The following HEPACAM2 variants were observed in gnomAD, a reference collection of about 807,000 sequenced individuals.
HEPACAM2 encodes the protein HEPACAM family member 2.
In HEPACAM2, 49 loss-of-function variants were observed where a neutral mutation model predicts 49.6. The observed-to-expected ratio is 0.99, with a 90% CI of 0.78 to 1.25. The LOEUF (loss-of-function observed/expected upper bound fraction) is 1.25. Among genes scored for constraint, HEPACAM2 ranks in the 50% most tolerant of loss-of-function variants. The probability of loss-of-function intolerance (pLI) is 0.00; values close to 1 mark genes in which losing one functional copy is unlikely to be tolerated. For missense variants in HEPACAM2, 525 were observed against 557.2 expected (o/e 0.94, Z 0.58); for synonymous variants, 197 against 202.9 (o/e 0.97, Z 0.25).
intron 4 of HEPACAM2, among the ~76,000 whole-genome samples, chr7:93,205,903 AC>A (rs998711161): frequency 4.7e-4 from 71 of 152,202 alleles, no homozygotes; most frequent in African/African-American, 1.6e-3. Context: ...AAAAATAAGC[AC>A]CTGCTCTTCT....
intron 9 of HEPACAM2, 142 bp downstream of exon 9, chr7:93,192,112 T>G: frequency 3.6e-6 from 2 of 548,696 alleles, no homozygotes; most frequent in South Asian, 5.6e-5. Context: ...TATGCTCAGG[T>G]GGGGAAGTGT....
In HEPACAM2 at chr7:93,198,498, A is replaced by G. The variant is rs570487088; in HGVS notation, c.1013-888T>C. ...AATATAATTTTAACACAACTTATTA[A>G]CTGTGGCTATGTTAACACCAGCTTC... On this transcript the variant is annotated intron_variant, in intron 4 of 9. Transcript: ENST00000394468. 2.0e-5 allele frequency among the ~76,000 whole-genome samples: 3 copies of G among 152,248 alleles called. No homozygotes were observed. The South Asian group carries it at 6.2e-4, about 32-fold the overall frequency.
chr7:93,202,878 G>C (rs571367681), intron 4 of HEPACAM2, among the ~76,000 whole-genome samples: 1 of 152,110 alleles, frequency 6.6e-6, no homozygotes, highest in South Asian at 2.1e-4. Context: ...TCTTAGACTA[G>C]ATAAGATACA....
Position 93,219,220 on chromosome 7 carries a change from T to C in HEPACAM2, c.311A>G (p.Asn104Ser), listed in dbSNP as rs745714871. The change falls in exon 2 of 10, where the codon AAT becomes AGT. Residue 104 changes from asparagine (N) to serine (S), a missense_variant. Coordinates refer to ENST00000394468, the MANE Select transcript of HEPACAM2 (RefSeq NM_001039372.4). ...CAGTGGGTTGATAAGCAGAGATGCA[T>C]TGGGTGGCATCATGGTGAACTTGTG... ...YQHKFTMMPP[N>S]ASLLINPLQF... 10 of 1,613,840 alleles carry C rather than the reference T, an allele frequency of 6.2e-6. No individual in the cohort carries two copies. Among genetic ancestry groups the C allele is most frequent in the African/African-American group, 4.0e-5 (3 of 74,904 alleles).
chr7:93,213,770 G>A (rs1256085775), intron 3 of HEPACAM2, among the ~76,000 whole-genome samples: 2 of 152,018 alleles, frequency 1.3e-5, no homozygotes, highest in Admixed American at 6.6e-5. Context: ...GATGCTGAAG[G>A]AGCACAATGA....
rs1316474193 is a variant in HEPACAM2, at chr7:93,189,121, C to T, written c.*146G>A. ...CCTGCAGTTCAATTTGCATAAATGC[C>T]TCTATTCTGCATGTAAAGGAATAAT... is the stretch of plus-strand genomic sequence containing the variant. On this transcript the variant is annotated 3_prime_UTR_variant, in exon 10 of 10. Coordinates refer to ENST00000394468, the MANE Select transcript of HEPACAM2 (RefSeq NM_001039372.4). The T allele has an allele frequency of 3.2e-6, 2 of 630,866 alleles. No individual in the cohort carries two copies. Among genetic ancestry groups the T allele is most frequent in the East Asian group, 5.6e-5 (2 of 35,852 alleles). 39.1% of individuals were successfully genotyped at this position (630,866 alleles called of 1,614,324 possible). A position where few individuals can be genotyped will look rare whatever the true frequency, so the allele number is the denominator to read the frequency against.
intron 3 of HEPACAM2, among the ~76,000 whole-genome samples, chr7:93,211,133 A>T (rs1794168945): frequency 6.6e-6 from 1 of 152,044 alleles, no homozygotes; most frequent in Admixed American, 6.6e-5. Flanking sequence ...CAGAAAACGA[A>T]TATACAAAAC....
intron 1 of HEPACAM2, among the ~76,000 whole-genome samples, chr7:93,219,964 A>G (rs1794412970): frequency 6.6e-6 from 1 of 152,212 alleles, no homozygotes; most frequent in Non-Finnish European, 1.5e-5. Context: ...TATCCCAAGG[A>G]GAGTGGTATT....
At chr7:93,203,524 C>T (rs1793948080) in intron 4 of HEPACAM2, among the ~76,000 whole-genome samples, 2 of 152,116 alleles carry the variant, frequency 1.3e-5, no homozygotes, top group African/African-American at 2.4e-5. Context: ...CTTCTTTCTC[C>T]TTTCAGAGAG....
intron 9 of HEPACAM2, among the ~76,000 whole-genome samples, chr7:93,189,735 G>A (rs1793493998): frequency 6.6e-6 from 1 of 151,922 alleles, no homozygotes; most frequent in South Asian, 2.1e-4. Flanking sequence ...AACAGTCTAA[G>A]AGCCAAAGAA....
In HEPACAM2 at chr7:93,197,287, A is replaced by C. The variant is rs2116639818; in HGVS notation, c.1164-9T>G. ...TGTATTCTGTTTCTGGCCTGAAAAG[A>C]CAAAATAGGTATTTTTGTCAGGGAT... On this transcript the variant is annotated splice_polypyrimidine_tract_variant and intron_variant, in intron 6 of 9. Transcript: ENST00000394468. 1 of 1,610,686 alleles carries C rather than the reference A, an allele frequency of 6.2e-7. No homozygotes were observed. Among genetic ancestry groups the C allele is most frequent in the South Asian group, 1.1e-5 (1 of 90,314 alleles).
chr7:93,230,961 A>G (rs2116742211), upstream of HEPACAM2, among the ~76,000 whole-genome samples: 1 of 152,342 alleles, frequency 6.6e-6, no homozygotes. Context: ...CAATTTATAC[A>G]TTTCATTCAC....
At chr7:93,189,579 T>G (rs1793489335) in intron 9 of HEPACAM2, among the ~76,000 whole-genome samples, 1 of 151,912 alleles carries the variant, frequency 6.6e-6, no homozygotes, top group Admixed American at 6.6e-5. Flanking sequence ...TAGACAACAT[T>G]GAAATACATC....
chr7:93,199,431 C>T (rs906828928), intron 4 of HEPACAM2, among the ~76,000 whole-genome samples: 1 of 152,058 alleles, frequency 6.6e-6, no homozygotes, highest in Non-Finnish European at 1.5e-5. Context: ...AACCACTTTG[C>T]ACTTGGGTAG....
At chr7:93,224,836 ATG>A (rs1053946578) in intron 1 of HEPACAM2, among the ~76,000 whole-genome samples, 2 of 152,162 alleles carry the variant, frequency 1.3e-5, no homozygotes, top group African/African-American at 4.8e-5. Flanking sequence ...AGAAATTATG[ATG>A]TGTTTTGAAT....
chr7:93,210,239 C>T (rs1167055593), intron 3 of HEPACAM2, among the ~76,000 whole-genome samples: 2 of 151,790 alleles, frequency 1.3e-5, no homozygotes, highest in East Asian at 3.9e-4. Context: ...GGATATCTGC[C>T]ATGAGAAGGC....
At position 93,219,282 on chromosome 7, in the gene HEPACAM2, A is replaced by G; in HGVS notation, c.249T>C (p.Ser83=). 1 of 1,614,036 alleles carries G rather than the reference A, an allele frequency of 6.2e-7. No individual in the cohort carries two copies. Among genetic ancestry groups the G allele is most frequent in the Non-Finnish European group, 8.5e-7 (1 of 1,179,966 alleles). The change falls in exon 2 of 10, where the codon TCT becomes TCC. Residue 83 remains serine, a synonymous_variant. Transcript: ENST00000394468. ...AGTCAGGAACCACAGACTTATTCAC[A>G]GAGCCCAGTAAGTATTTGGGCATTG... ...PHTMPKYLLG[S]VNKSVVPDLE...
chr7:93,198,224 G>GT (rs1348223454), intron 4 of HEPACAM2, among the ~76,000 whole-genome samples: 5 of 152,050 alleles, frequency 3.3e-5, no homozygotes, highest in African/African-American at 1.2e-4. Flanking sequence ...AATTCACTTT[G>GT]TTTTATCAGT....
chr7:93,191,699 A>G (rs1370301552), intron 9 of HEPACAM2, among the ~76,000 whole-genome samples: 1 of 152,140 alleles, frequency 6.6e-6, no homozygotes, highest in Non-Finnish European at 1.5e-5. Flanking sequence ...ATAGGTTCCC[A>G]GCTTTGTCCT....
Sources: allele counts gnomAD v4.1 joint callset (sites outside exome capture counted in the v4.1 genomes callset), GRCh38; gene constraint gnomAD v4.1.1; transcripts MANE v1.5; gene names NCBI Gene and HGNC (gene_info 2026-07-23, HGNC 2026-07-21).